The following GALNTL6 variants were observed in gnomAD, a reference collection of about 807,000 sequenced individuals.
GALNTL6 encodes polypeptide N-acetylgalactosaminyltransferase like 6.
Under a neutral mutation model 73.7 loss-of-function variants are expected in GALNTL6, and 46 were observed. The observed-to-expected ratio is 0.62, with a 90% confidence interval of 0.49 to 0.80. GALNTL6 has a LOEUF of 0.80. Ranked by LOEUF, GALNTL6 falls within the 30% of genes least tolerant of loss-of-function variation. The pLI is 0.00. For synonymous variants in GALNTL6, 259 were observed against 263.7 expected, an observed-to-expected ratio of 0.98 and a Z score of 0.17; for missense variants, 604 against 755.0, an observed-to-expected ratio of 0.80 and a Z score of 2.34.
At chr4:171,958,785 A>C (rs772134751) in intron 2 of GALNTL6, among the ~76,000 whole-genome samples, 23 of 152,118 alleles carry the variant, frequency 1.5e-4, no homozygotes, top group Non-Finnish European at 2.6e-4. Flanking sequence ...TTCTACAGTC[A>C]TTACATAGCC....
chr4:172,949,259 A>G (rs1361702255), intron 9 of GALNTL6, among the ~76,000 whole-genome samples: 4 of 152,214 alleles, frequency 2.6e-5, no homozygotes, highest in African/African-American at 9.7e-5. Flanking sequence ...TAAGGCAAAA[A>G]TAGATCTATC....
At chr4:172,547,488 C>A (rs1311496848) in intron 5 of GALNTL6, among the ~76,000 whole-genome samples, 1 of 152,098 alleles carries the variant, frequency 6.6e-6, no homozygotes, top group Non-Finnish European at 1.5e-5. Flanking sequence ...GGGAGGGAAG[C>A]ATATTTTAAT....
intron 5 of GALNTL6, among the ~76,000 whole-genome samples, chr4:172,378,033 G>T (rs546557563): frequency 6.6e-6 from 1 of 152,134 alleles, no homozygotes; most frequent in South Asian, 2.1e-4. Flanking sequence ...GGCCAGAGTG[G>T]ATGCTGAGGC....
At chr4:172,424,101 T>G (rs757627649) in intron 5 of GALNTL6, among the ~76,000 whole-genome samples, 1 of 152,116 alleles carries the variant, frequency 6.6e-6, no homozygotes, top group Non-Finnish European at 1.5e-5. Context: ...TATATATATG[T>G]CCAAACTCAC....
chr4:173,020,972 C>T (rs145319318), intron 11 of GALNTL6, among the ~76,000 whole-genome samples: 4,126 of 152,246 alleles, frequency 0.027, 180 homozygotes, highest in African/African-American at 0.088. Context: ...ACTCGGGAGG[C>T]TGAGGCAGGA....
chr4:172,977,130 G>A (rs566570869), intron 10 of GALNTL6, among the ~76,000 whole-genome samples: 57 of 152,272 alleles, frequency 3.7e-4, no homozygotes, highest in African/African-American at 1.3e-3. Context: ...TCAAAAAGTT[G>A]TTTGATGAAC....
intron 3 of GALNTL6, among the ~76,000 whole-genome samples, chr4:172,260,897 T>C (rs932925649): frequency 6.6e-6 from 1 of 151,496 alleles, no homozygotes. Flanking sequence ...TTATGTGATG[T>C]ATCACAATTA....
At chr4:172,745,756 A>G (rs1579428143) in intron 5 of GALNTL6, among the ~76,000 whole-genome samples, 2 of 152,076 alleles carry the variant, frequency 1.3e-5, no homozygotes, top group Admixed American at 1.3e-4. Context: ...GAGTGGAAGG[A>G]GAGGTTTTGG....
At chr4:171,947,138 C>A (rs1016578976) in intron 2 of GALNTL6, among the ~76,000 whole-genome samples, 1 of 152,048 alleles carries the variant, frequency 6.6e-6, no homozygotes, top group South Asian at 2.1e-4. Flanking sequence ...TCTTTAAATT[C>A]TTATCCATTA....
At chr4:172,628,561 A>G (rs1361915685) in intron 5 of GALNTL6, among the ~76,000 whole-genome samples, 1 of 152,004 alleles carries the variant, frequency 6.6e-6, no homozygotes, top group East Asian at 1.9e-4. Context: ...AAACATAATT[A>G]CAAAAACTTC....
At chr4:172,637,690 T>C (rs541182048) in intron 5 of GALNTL6, among the ~76,000 whole-genome samples, 3 of 152,176 alleles carry the variant, frequency 2.0e-5, no homozygotes, top group Non-Finnish European at 4.4e-5. Context: ...CCATGAATTG[T>C]ATAAACATTA....
chr4:172,199,950 A>T (rs1321745640), intron 2 of GALNTL6, among the ~76,000 whole-genome samples: 1 of 152,176 alleles, frequency 6.6e-6, no homozygotes, highest in Non-Finnish European at 1.5e-5. Flanking sequence ...GATTTGGAGG[A>T]ATCTAAGAGC....
chr4:172,937,128 T>C (rs1254726409), intron 9 of GALNTL6, among the ~76,000 whole-genome samples: 73 of 152,042 alleles, frequency 4.8e-4, no homozygotes, highest in Non-Finnish European at 8.8e-5. Flanking sequence ...CAGATCACAG[T>C]GTTGACCTTT....
chr4:172,861,319 A>ATGTGTGTGTGTGTG (rs10664817), intron 7 of GALNTL6, among the ~76,000 whole-genome samples: 3 of 146,276 alleles, frequency 2.1e-5, no homozygotes, highest in African/African-American at 8.0e-5. Context: ...TTTTGCTTAC[A>ATGTGTGTGTGTGTG]TGTGTGTGTG....
intron 2 of GALNTL6, among the ~76,000 whole-genome samples, chr4:171,914,572 A>G (rs1251707067): frequency 6.6e-6 from 1 of 151,312 alleles, no homozygotes; most frequent in African/African-American, 2.4e-5. Context: ...GACACGGGCT[A>G]CCATGCCCAA....
At chr4:172,156,917 G>A (rs929718461) in intron 2 of GALNTL6, among the ~76,000 whole-genome samples, 10 of 151,950 alleles carry the variant, frequency 6.6e-5, no homozygotes, top group Non-Finnish European at 1.3e-4. Flanking sequence ...TTATATATAT[G>A]CTTATTATAT....
At chr4:172,608,365 C>T (rs1020889866) in intron 5 of GALNTL6, among the ~76,000 whole-genome samples, 22 of 151,836 alleles carry the variant, frequency 1.4e-4, no homozygotes, top group African/African-American at 3.1e-4. Context: ...CAGTTATCCC[C>T]GTATCATTTA....
At chr4:172,999,354 A>G (rs993831414) in intron 10 of GALNTL6, among the ~76,000 whole-genome samples, 22 of 152,178 alleles carry the variant, frequency 1.4e-4, no homozygotes, top group Admixed American at 1.0e-3. Flanking sequence ...GCACTCACAC[A>G]CACACACGAA....
intron 5 of GALNTL6, among the ~76,000 whole-genome samples, chr4:172,632,515 T>C (rs1739443033): frequency 6.6e-6 from 1 of 152,008 alleles, no homozygotes; most frequent in African/African-American, 2.4e-5. Context: ...AACTTTGAAC[T>C]TGAGAGAGAT....
Sources: allele counts gnomAD v4.1 joint callset (sites outside exome capture counted in the v4.1 genomes callset), GRCh38; gene constraint gnomAD v4.1.1; transcripts MANE v1.5; gene names NCBI Gene and HGNC (gene_info 2026-07-23, HGNC 2026-07-21).